The following SLIT3 variants were observed in gnomAD, a reference collection of about 807,000 sequenced individuals.
SLIT3 encodes the protein slit guidance ligand 3, also known as slit homolog 3 protein.
A neutral mutation model predicts 184.0 loss-of-function variants in SLIT3; 68 were observed. The ratio of observed to expected loss-of-function variants is 0.37; its 90% confidence interval spans 0.30 to 0.45. The LOEUF (loss-of-function observed/expected upper bound fraction) is 0.45, where lower values mean the gene tolerates loss of function less well. Among genes scored for constraint, SLIT3 ranks in the 20% least tolerant of loss-of-function variants. SLIT3 has a pLI of 1.00. For missense variants in SLIT3, 1,707 were observed against 2,026.0 expected, an observed-to-expected ratio of 0.84 and a Z score of 3.02; for synonymous variants, 831 against 828.6, an observed-to-expected ratio of 1.00 and a Z score of -0.05.
rs1554142553 is a variant in SLIT3 at position 168,798,223 on chromosome 5, C to CTTCTTCT, written c.936-2646_936-2645insAGAAGAA. Among the ~76,000 whole-genome samples, 19 of 109,028 alleles carry CTTCTTCT rather than the reference C, an allele frequency of 1.7e-4. 1 individual carries two copies. Among genetic ancestry groups the CTTCTTCT allele is most frequent in the African/African-American group, 7.3e-4 (16 of 21,988 alleles). The allele number at this position is 109,028 out of a possible 152,430, so 71.5% of individuals were successfully genotyped here. On this transcript the variant is annotated intron_variant, in intron 9 of 35. Transcript: ENST00000519560. ...TTGGTTTTCTTTTCTTCTTCTTCTT[C>CTTCTTCT]TTTTTTTTTTTTTTTTAAGAGACAG...
At chr5:168,750,918 A>C (rs1346121539) in intron 18 of SLIT3, among the ~76,000 whole-genome samples, 2 of 152,094 alleles carry the variant, frequency 1.3e-5, no homozygotes, top group East Asian at 3.9e-4. Flanking sequence ...AGTGAATGAC[A>C]CAGTATGTTA....
intron 4 of SLIT3, among the ~76,000 whole-genome samples, chr5:169,084,551 A>G (rs527714551): frequency 6.7e-6 from 1 of 148,734 alleles, no homozygotes; most frequent in South Asian, 2.1e-4. Context: ...CAGGTGATCC[A>G]TCTGCCTCGG....
chr5:169,206,493 G>A (rs1455229218), intron 3 of SLIT3, among the ~76,000 whole-genome samples: 2 of 152,202 alleles, frequency 1.3e-5, no homozygotes, highest in African/African-American at 4.8e-5. Flanking sequence ...ATATCAGGGA[G>A]GGCAGGTACA....
chr5:169,246,397 G>T (rs1488183038), intron 2 of SLIT3, among the ~76,000 whole-genome samples: 3 of 152,150 alleles, frequency 2.0e-5, no homozygotes, highest in Non-Finnish European at 4.4e-5. Context: ...CAGGTAGGGT[G>T]GGCCTTCTAA....
intron 4 of SLIT3, among the ~76,000 whole-genome samples, chr5:169,035,509 C>A (rs181852910): frequency 6.6e-6 from 1 of 151,898 alleles, no homozygotes; most frequent in Non-Finnish European, 1.5e-5. Context: ...ATTAGCCAGG[C>A]GTGGTGGCGG....
intron 4 of SLIT3, among the ~76,000 whole-genome samples, chr5:169,060,069 C>G (rs867260595): frequency 1.5e-4 from 23 of 152,244 alleles, no homozygotes; most frequent in African/African-American, 5.3e-4. Context: ...CACTGGCATC[C>G]TGATCTGGAA....
At chr5:168,921,127 T>A (rs1014872592) in intron 4 of SLIT3, among the ~76,000 whole-genome samples, 12 of 152,246 alleles carry the variant, frequency 7.9e-5, no homozygotes, top group African/African-American at 2.6e-4. Context: ...ATCTGACATG[T>A]GGAAAGGAAA....
chr5:168,775,459 G>A (rs1040306999), intron 12 of SLIT3, among the ~76,000 whole-genome samples: 9 of 151,884 alleles, frequency 5.9e-5, no homozygotes, highest in South Asian at 2.1e-4. Flanking sequence ...TCAAATGTCC[G>A]CTCCTCAGAG....
At chr5:168,760,589 G>A (rs1238219813) in intron 16 of SLIT3, among the ~76,000 whole-genome samples, 1 of 152,182 alleles carries the variant, frequency 6.6e-6, no homozygotes, top group Non-Finnish European at 1.5e-5. Flanking sequence ...TGGATGGCGT[G>A]TAGGGGTGGG....
At chr5:168,990,620 A>G (rs1459995215) in intron 4 of SLIT3, among the ~76,000 whole-genome samples, 1 of 152,152 alleles carries the variant, frequency 6.6e-6, no homozygotes, top group African/African-American at 2.4e-5. Flanking sequence ...TGTCCTGTAA[A>G]TAGAATTATA....
intron 1 of SLIT3, among the ~76,000 whole-genome samples, chr5:169,277,615 C>T (rs1336634236): frequency 1.3e-5 from 2 of 152,148 alleles, no homozygotes; most frequent in Non-Finnish European, 2.9e-5. Flanking sequence ...AATAATATTC[C>T]ATTGTATGTA....
intron 5 of SLIT3, among the ~76,000 whole-genome samples, chr5:168,882,871 G>A (rs937776212): frequency 1.3e-5 from 2 of 152,122 alleles, no homozygotes; most frequent in African/African-American, 2.4e-5. Context: ...GATTGACCAC[G>A]TACTATGTAT....
At chr5:168,870,970 T>C (rs1255965203) in intron 5 of SLIT3, among the ~76,000 whole-genome samples, 4 of 152,216 alleles carry the variant, frequency 2.6e-5, no homozygotes, top group Admixed American at 6.5e-5. Context: ...ATGGCTGCTA[T>C]AACGAATTAC....
At chr5:169,090,554 G>A (rs1759540691) in intron 4 of SLIT3, among the ~76,000 whole-genome samples, 1 of 152,352 alleles carries the variant, frequency 6.6e-6, no homozygotes, top group African/African-American at 2.4e-5. Flanking sequence ...TTCGTAGGCT[G>A]AATGATGGCC....
At chr5:168,915,725 T>C (rs1323652695) in intron 4 of SLIT3, among the ~76,000 whole-genome samples, 4 of 152,218 alleles carry the variant, frequency 2.6e-5, no homozygotes, top group African/African-American at 4.8e-5. Flanking sequence ...GGACTAGCCA[T>C]ATTTTATCTG....
intron 4 of SLIT3, among the ~76,000 whole-genome samples, chr5:168,923,907 T>A (rs1220405268): frequency 6.6e-6 from 1 of 152,246 alleles, no homozygotes; most frequent in Non-Finnish European, 1.5e-5. Flanking sequence ...CTGCCTGAAA[T>A]AAAGGTTACC....
At chr5:168,746,522 TGGGTGTGGCG>T (rs1456595290) in intron 20 of SLIT3, among the ~76,000 whole-genome samples, 2 of 104,380 alleles carry the variant, frequency 1.9e-5, no homozygotes, top group African/African-American at 7.6e-5. Flanking sequence ...TGTGGTGGCG[TGGGTGTGGCG>T]GTGTGTGGTG....
intron 4 of SLIT3, among the ~76,000 whole-genome samples, chr5:168,909,221 CT>C (rs1316397516): frequency 6.6e-6 from 1 of 152,210 alleles, no homozygotes; most frequent in Non-Finnish European, 1.5e-5. Context: ...CATAGTCCTA[CT>C]TTTTATGGAT....
chr5:168,959,698 A>C (rs193059847), intron 4 of SLIT3, among the ~76,000 whole-genome samples: 128 of 152,212 alleles, frequency 8.4e-4, no homozygotes, highest in African/African-American at 3.1e-3. Flanking sequence ...ACAGCTGCTC[A>C]GTTCTTCTGT....
Sources: allele counts gnomAD v4.1 joint callset (sites outside exome capture counted in the v4.1 genomes callset), GRCh38; gene constraint gnomAD v4.1.1; transcripts MANE v1.5; gene names NCBI Gene and HGNC (gene_info 2026-07-23, HGNC 2026-07-21).